The following TMCO4 variants were observed in gnomAD, a reference collection of about 807,000 sequenced individuals.
The protein encoded by TMCO4 is transmembrane and coiled-coil domain-containing protein 4.
A neutral mutation model predicts 64.7 loss-of-function variants in TMCO4; 58 were observed. The observed-to-expected ratio is 0.90, with a 90% CI of 0.73 to 1.12. The LOEUF is 1.12. TMCO4 is among the 50% of genes most tolerant of loss of function. TMCO4 has a pLI of 0.00. For synonymous variants in TMCO4, 325 were observed against 346.1 expected (o/e 0.94, Z 0.68); for missense variants, 780 against 825.9 (o/e 0.94, Z 0.68).
Position 19,690,587 on chromosome 1 carries a change from C to T in TMCO4, c.1500+3847G>A, listed in dbSNP as rs551588751. On this transcript the variant is annotated intron_variant, in intron 15 of 15. Coordinates refer to ENST00000294543, the MANE Select transcript of TMCO4 (RefSeq NM_181719.7). ...CTGCAAGGGGCTGAGTGTGGTGGAC[C>T]GAGTAGATGGGGTGCCCCTGCTGCA... Among the ~76,000 whole-genome samples the T allele has an allele frequency of 5.3e-5, 8 of 152,246 alleles. No homozygotes were observed. In the East Asian group the frequency reaches 9.7e-4, roughly 18 times the overall value.
Position 19,763,839 on chromosome 1 carries a change from GGTTGAAGCCCC to G in TMCO4, c.382+6692_382+6702del, listed in dbSNP as rs578162139. 2.7e-3 allele frequency among the ~76,000 whole-genome samples: 410 copies of G among 152,290 alleles called. 1 individual carries two copies. The highest frequency in any genetic ancestry group is 6.8e-3 in the Middle Eastern group (2 of 294). ...ACACCCTGTCCATTGCTGAGCACTGGGTTGAAGCCCCGTTGTGTGCCCAGGGTCCCGATTTT... is the reference window on the plus strand; with the variant it reads ...ACACCCTGTCCATTGCTGAGCACTGGGTTGTGTGCCCAGGGTCCCGATTTT... On this transcript the variant is annotated intron_variant, in intron 6 of 15. Coordinates refer to ENST00000294543, the MANE Select transcript of TMCO4 (RefSeq NM_181719.7).
intron 6 of TMCO4, among the ~76,000 whole-genome samples, chr1:19,766,611 C>A (rs946128105): frequency 6.6e-6 from 1 of 152,166 alleles, no homozygotes; most frequent in African/African-American, 2.4e-5. Flanking sequence ...CAGCTCCATG[C>A]TGGGCACTCT....
chr1:19,738,859 C>A (rs1459103498), intron 12 of TMCO4, among the ~76,000 whole-genome samples: 1 of 152,234 alleles, frequency 6.6e-6, no homozygotes, highest in Non-Finnish European at 1.5e-5. Context: ...TCTGTGGCAG[C>A]TAGGAATGGT....
At chr1:19,685,710 CTTTTT>C (rs55783904) in intron 15 of TMCO4, among the ~76,000 whole-genome samples, 6 of 106,610 alleles carry the variant, frequency 5.6e-5, no homozygotes, top group South Asian at 3.4e-4. Flanking sequence ...AGGCCTGTTT[CTTTTT>C]TTTTTTTTTT....
chr1:19,700,032 G>A (rs1459879949), intron 14 of TMCO4, among the ~76,000 whole-genome samples: 1 of 152,140 alleles, frequency 6.6e-6, no homozygotes, highest in Non-Finnish European at 1.5e-5. Context: ...CTGAAAACAC[G>A]TTTGCTTCAT....
chr1:19,772,618 G>A (rs1028081101), intron 4 of TMCO4, among the ~76,000 whole-genome samples: 1 of 152,154 alleles, frequency 6.6e-6, no homozygotes, highest in Non-Finnish European at 1.5e-5. Context: ...CTTAGAAGTC[G>A]ATTATACCAC....
intron 4 of TMCO4, among the ~76,000 whole-genome samples, chr1:19,773,022 T>C (rs1350386709): frequency 2.0e-5 from 3 of 152,148 alleles, no homozygotes; most frequent in Admixed American, 1.3e-4. Flanking sequence ...AAATCCCGCC[T>C]CTACTAAAAG....
chr1:19,781,599 G>A (rs760475579), intron 3 of TMCO4, among the ~76,000 whole-genome samples: 16 of 150,738 alleles, frequency 1.1e-4, no homozygotes, highest in Non-Finnish European at 1.8e-4. Context: ...AAAAGACTGA[G>A]AATACCAAGT....
intron 2 of TMCO4, among the ~76,000 whole-genome samples, chr1:19,791,373 G>C (rs1269376639): frequency 6.6e-6 from 1 of 152,048 alleles, no homozygotes; most frequent in East Asian, 1.9e-4. Flanking sequence ...GGGTTGGTGG[G>C]ACAGACAGTG....
intron 13 of TMCO4, among the ~76,000 whole-genome samples, chr1:19,729,740 G>C (rs2095422788): frequency 6.6e-6 from 1 of 152,032 alleles, no homozygotes; most frequent in African/African-American, 2.4e-5. Flanking sequence ...ACTCCAGCTA[G>C]GGTGACAGGG....
Position 19,731,356 on chromosome 1 carries a change from T to C in TMCO4, c.1264+6016A>G, listed in dbSNP as rs561575381. On this transcript the variant is annotated intron_variant, in intron 13 of 15. Transcript: ENST00000294543. ...ATTATCAATGCTCAGCGAGTACTTC[T>C]GGGTTCTTATTACAGGCCAGCATTT... 3.9e-5 allele frequency among the ~76,000 whole-genome samples: 6 copies of C among 152,374 alleles called. 1 individual carries two copies. In the South Asian group the frequency reaches 1.2e-3, roughly 32 times the overall value.
intron 9 of TMCO4, 110 bp from the exon 10 acceptor site, chr1:19,745,761 T>G (rs1172257798): frequency 7.3e-7 from 1 of 1,377,234 alleles, no homozygotes; most frequent in African/African-American, 1.5e-5. Flanking sequence ...CTGTGTGCCC[T>G]GCCCCTGGAA....
intron 13 of TMCO4, among the ~76,000 whole-genome samples, chr1:19,712,513 G>A (rs771615653): frequency 8.6e-5 from 13 of 151,858 alleles, no homozygotes; most frequent in African/African-American, 1.7e-4. Flanking sequence ...CCAGCTACTC[G>A]GGAGGCTGAG....
chr1:19,721,820 A>ACAAC (rs1557511809), intron 13 of TMCO4, among the ~76,000 whole-genome samples: 11 of 151,156 alleles, frequency 7.3e-5, no homozygotes, highest in African/African-American at 2.7e-4. Flanking sequence ...AACAAAACAC[A>ACAAC]ACACACACAC....
chr1:19,683,688 C>T (rs1285550352), intron 15 of TMCO4, among the ~76,000 whole-genome samples: 1 of 149,936 alleles, frequency 6.7e-6, no homozygotes, highest in Non-Finnish European at 1.5e-5. Context: ...AATCTGGATC[C>T]TTTTGGGGCA....
At position 19,733,277 on chromosome 1, in the gene TMCO4, A is replaced by T. The variant is rs78324495; in HGVS notation, c.1264+4095T>A. Among the ~76,000 whole-genome samples, 837 of 151,982 alleles carry T rather than the reference A, an allele frequency of 5.5e-3. 37 individuals carry two copies. In the East Asian group the frequency reaches 0.11, roughly 20 times the overall value. On this transcript the variant is annotated intron_variant, in intron 13 of 15. Coordinates refer to ENST00000294543, the MANE Select transcript of TMCO4 (RefSeq NM_181719.7). ...GCGAAACTCCGTCTCAAAAAAAAAA[A>T]TTTTTTTTCTTAATAAAATATTGAA...
intron 14 of TMCO4, among the ~76,000 whole-genome samples, chr1:19,700,187 C>G (rs564739409): frequency 5.1e-4 from 78 of 152,268 alleles, no homozygotes; most frequent in African/African-American, 1.5e-3. Flanking sequence ...CAAAGGGTTG[C>G]TTCCTTTCTA....
chr1:19,749,274 C>T (rs751988237), intron 7 of TMCO4, among the ~76,000 whole-genome samples: 1 of 152,228 alleles, frequency 6.6e-6, no homozygotes, highest in Non-Finnish European at 1.5e-5. Flanking sequence ...AAAGATTATG[C>T]ATCCCTGCCC....
intron 6 of TMCO4, among the ~76,000 whole-genome samples, chr1:19,763,453 G>C (rs2042594797): frequency 6.6e-6 from 1 of 152,188 alleles, no homozygotes; most frequent in Non-Finnish European, 1.5e-5. Flanking sequence ...TGGCACCTGG[G>C]ACACAGTAAG....
Sources: allele counts gnomAD v4.1 joint callset (sites outside exome capture counted in the v4.1 genomes callset), GRCh38; gene constraint gnomAD v4.1.1; transcripts MANE v1.5; gene names NCBI Gene and HGNC (gene_info 2026-07-23, HGNC 2026-07-21).